The following PTPRD variants were observed in gnomAD, a reference collection of about 807,000 sequenced individuals.
PTPRD encodes the protein receptor-type tyrosine-protein phosphatase delta.
Under a neutral mutation model 214.5 loss-of-function variants are expected in PTPRD, and 34 were observed. That is an observed-to-expected ratio of 0.16 (90% CI 0.12 to 0.21). The LOEUF (loss-of-function observed/expected upper bound fraction) is 0.21. PTPRD is among the 10% of genes least tolerant of loss of function. The probability of loss-of-function intolerance (pLI) is 1.00; values close to 1 mark genes in which losing one functional copy is unlikely to be tolerated. For synonymous variants in PTPRD, 1,128 were observed against 845.7 expected (o/e 1.33, Z -5.79); for missense variants, 2,545 against 2,398.7 (o/e 1.06, Z -1.27).
intron 2 of PTPRD, among the ~76,000 whole-genome samples, chr9:10,542,980 A>G (rs1166541262): frequency 1.3e-5 from 2 of 152,038 alleles, no homozygotes; most frequent in Non-Finnish European, 2.9e-5. Context: ...TGAACTCCCA[A>G]CCTCAGGTGA....
intron 3 of PTPRD, among the ~76,000 whole-genome samples, chr9:10,056,865 T>C (rs2097661090): frequency 1.3e-5 from 2 of 152,164 alleles, no homozygotes; most frequent in Admixed American, 6.6e-5. Context: ...AGCAGGGACT[T>C]GCAGACAATC....
At chr9:8,369,765 G>A (rs1343943290) in intron 39 of PTPRD, among the ~76,000 whole-genome samples, 3 of 151,512 alleles carry the variant, frequency 2.0e-5, no homozygotes, top group Non-Finnish European at 2.9e-5. Context: ...TTAGTATCAT[G>A]GGTCAAGGTT....
At chr9:10,218,429 TG>T (rs969269516) in intron 3 of PTPRD, among the ~76,000 whole-genome samples, 5 of 151,904 alleles carry the variant, frequency 3.3e-5, no homozygotes, top group African/African-American at 1.2e-4. Flanking sequence ...ATGTATCTTA[TG>T]GGGGCAGCAT....
At chr9:9,614,527 T>C (rs1423891854) in intron 7 of PTPRD, among the ~76,000 whole-genome samples, 1 of 152,224 alleles carries the variant, frequency 6.6e-6, no homozygotes, top group African/African-American at 2.4e-5. Flanking sequence ...GAAGTTATCA[T>C]GGTCTATTGT....
chr9:8,637,942 C>G (rs1463025991), intron 12 of PTPRD, among the ~76,000 whole-genome samples: 3 of 152,062 alleles, frequency 2.0e-5, no homozygotes, highest in Admixed American at 6.6e-5. Context: ...CACACACACA[C>G]AAAGATTGAA....
chr9:9,715,011 TA>T (rs1375620320), intron 7 of PTPRD, among the ~76,000 whole-genome samples: 1 of 152,188 alleles, frequency 6.6e-6, no homozygotes, highest in Non-Finnish European at 1.5e-5. Context: ...AAGAAGAAAG[TA>T]CCAGCAATAA....
chr9:8,353,928 GTGTGTGTACA>G (rs2076285117), intron 39 of PTPRD, among the ~76,000 whole-genome samples: 2 of 105,858 alleles, frequency 1.9e-5, no homozygotes, highest in African/African-American at 9.8e-5. Context: ...GTATATATAT[GTGTGTGTACA>G]TATATATATA....
In PTPRD at chr9:9,079,529, G is replaced by A. The variant is rs1591226489; in HGVS notation, c.-142-60794C>T. Reference sequence around the variant, plus strand: ...ATAGATTCTCAGTAGGGGGATTGCTGGACAATATGTAGTTGCATTTGTAGT... The same window carrying A: ...ATAGATTCTCAGTAGGGGGATTGCTAGACAATATGTAGTTGCATTTGTAGT... On this transcript the variant is annotated intron_variant, in intron 10 of 45. Coordinates refer to ENST00000381196, the MANE Select transcript of PTPRD (RefSeq NM_002839.4). Among the ~76,000 whole-genome samples, 3 of 152,134 alleles carry A rather than the reference G, an allele frequency of 2.0e-5. No individual in the cohort carries two copies. The East Asian group carries it at 5.8e-4, about 29-fold the overall frequency.
chr9:8,999,098 G>T (rs1290691975), intron 11 of PTPRD, among the ~76,000 whole-genome samples: 1 of 152,086 alleles, frequency 6.6e-6, no homozygotes, highest in Non-Finnish European at 1.5e-5. Context: ...TTGTTGAAAT[G>T]AAAGAAAGGA....
At chr9:9,511,810 G>A (rs554986160) in intron 8 of PTPRD, among the ~76,000 whole-genome samples, 1 of 151,726 alleles carries the variant, frequency 6.6e-6, no homozygotes, top group African/African-American at 2.4e-5. Context: ...CTGTAATGTA[G>A]GTCAAATGCT....
intron 8 of PTPRD, among the ~76,000 whole-genome samples, chr9:9,404,622 T>C (rs1191878072): frequency 6.6e-6 from 1 of 152,076 alleles, no homozygotes; most frequent in Non-Finnish European, 1.5e-5. Context: ...CCATTTTAAG[T>C]GGGACATATA....
At chr9:10,024,918 G>A (rs1261165674) in intron 4 of PTPRD, among the ~76,000 whole-genome samples, 36 of 151,054 alleles carry the variant, frequency 2.4e-4, no homozygotes, top group African/African-American at 5.1e-4. Flanking sequence ...GCTGAGAATG[G>A]TGGTTTCCAG....
intron 8 of PTPRD, among the ~76,000 whole-genome samples, chr9:9,414,433 A>G (rs898629898): frequency 1.3e-5 from 2 of 152,216 alleles, no homozygotes; most frequent in Non-Finnish European, 2.9e-5. Flanking sequence ...CCTTAAAATT[A>G]TTGGCTACAG....
In PTPRD at chr9:8,934,405, G is replaced by A. The variant is rs536799413; in HGVS notation, c.-104+84292C>T. Among the ~76,000 whole-genome samples the A allele has an allele frequency of 3.7e-4, 13 of 35,304 alleles. No individual in the cohort carries two copies. In the South Asian group the frequency reaches 7.5e-3, roughly 20 times the overall value. The allele number at this position is 35,304 out of a possible 152,430, so 23.2% of individuals were successfully genotyped here. ...ACAAATACTAATTATGTGTGTGTGTGTGTGTGTGTGTGTGTGTATATATAT... is the reference window on the plus strand; with the variant it reads ...ACAAATACTAATTATGTGTGTGTGTATGTGTGTGTGTGTGTGTATATATAT... On this transcript the variant is annotated intron_variant, in intron 11 of 45. Transcript: ENST00000381196.
At chr9:8,961,813 C>T (rs1375891495) in intron 11 of PTPRD, among the ~76,000 whole-genome samples, 1 of 152,092 alleles carries the variant, frequency 6.6e-6, no homozygotes, top group East Asian at 1.9e-4. Context: ...GAATCCAGGA[C>T]TGCAGTTTCC....
intron 12 of PTPRD, among the ~76,000 whole-genome samples, chr9:8,673,200 C>A (rs1228300578): frequency 6.6e-6 from 1 of 151,906 alleles, no homozygotes; most frequent in Non-Finnish European, 1.5e-5. Context: ...GCGGCTGTCT[C>A]CATTTAAAGG....
intron 7 of PTPRD, among the ~76,000 whole-genome samples, chr9:9,639,882 A>G (rs1254455978): frequency 6.6e-6 from 1 of 152,202 alleles, no homozygotes; most frequent in Non-Finnish European, 1.5e-5. Flanking sequence ...TTAGAGAAAG[A>G]ACATTATTTC....
intron 14 of PTPRD, among the ~76,000 whole-genome samples, chr9:8,568,384 GTCAATAGCA>G (rs1298752351): frequency 6.6e-6 from 1 of 152,044 alleles, no homozygotes; most frequent in African/African-American, 2.4e-5. Context: ...CACATTACCT[GTCAATAGCA>G]ATGACTTAGC....
intron 11 of PTPRD, among the ~76,000 whole-genome samples, chr9:8,911,420 TG>T (rs957749600): frequency 0.016 from 2,463 of 149,964 alleles, 74 homozygotes; most frequent in African/African-American, 0.058. Context: ...GTGTGTTGTG[TG>T]TGTGTGTGTG....
Sources: gnomAD v4.1 joint callset for allele counts (sites outside exome capture counted in the v4.1 genomes callset) on GRCh38, gnomAD v4.1.1 for gene constraint, MANE v1.5 for transcripts, NCBI Gene and HGNC (gene_info 2026-07-23, HGNC 2026-07-21) for gene names.